The following CSMD3 variants were observed in gnomAD, a reference collection of about 807,000 sequenced individuals.
CSMD3 encodes the protein CUB and Sushi multiple domains 3.
A neutral mutation model predicts 435.2 loss-of-function variants in CSMD3; 177 were observed. That is an observed-to-expected ratio of 0.41 (90% CI 0.36 to 0.46). The LOEUF is 0.46. Ranked by LOEUF, CSMD3 falls within the 20% of genes least tolerant of loss-of-function variation. CSMD3 has a pLI of 0.34. For synonymous variants in CSMD3, 1,656 were observed against 1,520.5 expected (o/e 1.09, Z -2.07); for missense variants, 4,265 against 4,504.6 (o/e 0.95, Z 1.52).
intron 10 of CSMD3, among the ~76,000 whole-genome samples, chr8:112,894,084 G>T (rs2081880893): frequency 6.6e-6 from 1 of 151,322 alleles, no homozygotes; most frequent in South Asian, 2.1e-4. Flanking sequence ...CACAACAAAG[G>T]GTTTCTGTAA....
At chr8:113,024,845 C>T (rs1412040369) in intron 5 of CSMD3, among the ~76,000 whole-genome samples, 3 of 152,032 alleles carry the variant, frequency 2.0e-5, no homozygotes, top group Admixed American at 2.0e-4. Flanking sequence ...GTACATTGTA[C>T]CTATCAAGTA....
intron 4 of CSMD3, among the ~76,000 whole-genome samples, chr8:113,141,054 T>C (rs2091536674): frequency 1.3e-5 from 2 of 150,842 alleles, no homozygotes; most frequent in Admixed American, 6.6e-5. Context: ...GAAAATACTA[T>C]GAATTTACAA....
At chr8:113,189,572 GA>G (rs2092555666) in intron 3 of CSMD3, among the ~76,000 whole-genome samples, 1 of 151,746 alleles carries the variant, frequency 6.6e-6, no homozygotes, top group South Asian at 2.1e-4. Flanking sequence ...AATTTAAGAG[GA>G]AATGTATTGT....
intron 3 of CSMD3, among the ~76,000 whole-genome samples, chr8:113,245,345 A>C (rs182275004): frequency 6.6e-6 from 1 of 152,042 alleles, no homozygotes; most frequent in East Asian, 1.9e-4. Context: ...CTAGTATTCC[A>C]CTACTGTTTT....
intron 1 of CSMD3, among the ~76,000 whole-genome samples, chr8:113,351,049 AC>A (rs2132911580): frequency 6.6e-6 from 1 of 152,010 alleles, no homozygotes; most frequent in Non-Finnish European, 1.5e-5. Context: ...TTACCATAGC[AC>A]TGGCATGCAC....
At chr8:112,782,930 T>C (rs995165161) in intron 13 of CSMD3, among the ~76,000 whole-genome samples, 27 of 152,026 alleles carry the variant, frequency 1.8e-4, no homozygotes, top group African/African-American at 6.5e-4. Flanking sequence ...ACCTGTCCTA[T>C]AAGAAACGCT....
chr8:113,088,642 T>C (rs1293735286), intron 5 of CSMD3, among the ~76,000 whole-genome samples: 1 of 142,138 alleles, frequency 7.0e-6, no homozygotes, highest in African/African-American at 2.6e-5. Flanking sequence ...TTCTCACTCA[T>C]AGGTGGGAAT....
intron 4 of CSMD3, among the ~76,000 whole-genome samples, chr8:113,155,989 G>A (rs887322453): frequency 6.6e-6 from 1 of 151,970 alleles, no homozygotes; most frequent in Non-Finnish European, 1.5e-5. Context: ...CTGGAATCAA[G>A]AGTTAGAGAA....
At chr8:113,037,884 A>G (rs941688802) in intron 5 of CSMD3, among the ~76,000 whole-genome samples, 1 of 152,216 alleles carries the variant, frequency 6.6e-6, no homozygotes, top group East Asian at 1.9e-4. Context: ...AAGATAATAT[A>G]ATAAAGGGGT....
chr8:112,456,029 C>A (rs1816810062), intron 32 of CSMD3, among the ~76,000 whole-genome samples: 2 of 111,034 alleles, frequency 1.8e-5, no homozygotes, highest in South Asian at 5.7e-4. Flanking sequence ...ACTCTGACCA[C>A]CTGAGTTCTA....
At chr8:113,091,149 A>G (rs2089989547) in intron 5 of CSMD3, among the ~76,000 whole-genome samples, 2 of 152,138 alleles carry the variant, frequency 1.3e-5, no homozygotes, top group South Asian at 4.1e-4. Flanking sequence ...AGCATTAGAA[A>G]TTATGATTAA....
chr8:113,310,111 C>A (rs1205940314), intron 2 of CSMD3: 1 of 152,100 alleles, frequency 6.6e-6, no homozygotes. Flanking sequence ...TGTCAGGAGT[C>A]ACACTAAATA....
At chr8:112,864,239 T>C (rs1190074119) in intron 10 of CSMD3, among the ~76,000 whole-genome samples, 1 of 148,696 alleles carries the variant, frequency 6.7e-6, no homozygotes, top group Admixed American at 6.7e-5. Context: ...TTTTTGTTTT[T>C]GTTTTGTTGT....
chr8:113,299,168 C>A (rs147280683), intron 2 of CSMD3, among the ~76,000 whole-genome samples: 1 of 152,128 alleles, frequency 6.6e-6, no homozygotes, highest in African/African-American at 2.4e-5. Context: ...ACATAATAAC[C>A]AATTTGGTTT....
chr8:113,229,452 TA>T (rs2093061435), intron 3 of CSMD3, among the ~76,000 whole-genome samples: 1 of 150,880 alleles, frequency 6.6e-6, no homozygotes, highest in South Asian at 2.1e-4. Flanking sequence ...AAGAGAACTT[TA>T]AAAAACTTAA....
At chr8:112,478,585 T>C (rs1224353949) in intron 31 of CSMD3, among the ~76,000 whole-genome samples, 2 of 152,156 alleles carry the variant, frequency 1.3e-5, no homozygotes, top group Admixed American at 1.3e-4. Context: ...TTTGGGTATC[T>C]GGCAGAAGAA....
rs184384083 is a variant in CSMD3, at chr8:113,433,901, G to A, written c.178+2776C>T. Among the ~76,000 whole-genome samples, 389 of 152,232 alleles carry A rather than the reference G, an allele frequency of 2.6e-3. 2 individuals carry two copies. Among genetic ancestry groups the A allele is most frequent in the African/African-American group, 9.0e-3 (374 of 41,540 alleles). On this transcript the variant is annotated intron_variant, in intron 1 of 70. Transcript: ENST00000297405. ...GTGTACCTGTGTGGGGGGTGCGGGG[G>A]AGGGGAGTTCAGTTTGAAATAGGCA...
At chr8:112,831,651 A>G (rs1021998335) in intron 11 of CSMD3, among the ~76,000 whole-genome samples, 4 of 151,680 alleles carry the variant, frequency 2.6e-5, no homozygotes, top group Non-Finnish European at 5.9e-5. Context: ...CTGTGACACA[A>G]CTGTTTGTGT....
At chr8:112,494,866 T>C (rs1821178451) in intron 30 of CSMD3, among the ~76,000 whole-genome samples, 1 of 151,992 alleles carries the variant, frequency 6.6e-6, no homozygotes, top group African/African-American at 2.4e-5. Context: ...TGCAAATAGA[T>C]AAATGTGATT....
Sources: allele counts gnomAD v4.1 joint callset (sites outside exome capture counted in the v4.1 genomes callset), GRCh38; gene constraint gnomAD v4.1.1; transcripts MANE v1.5; gene names NCBI Gene and HGNC (gene_info 2026-07-23, HGNC 2026-07-21).